Variants in CA8 observed in about 807,000 individuals in gnomAD.
CA8 encodes the protein carbonic anhydrase 8 (inactive).
A neutral mutation model predicts 41.4 loss-of-function variants in CA8; 22 were observed. The observed-to-expected ratio is 0.53, with a 90% confidence interval of 0.38 to 0.76. CA8 has a LOEUF of 0.76. Ranked by LOEUF, CA8 falls within the 30% of genes least tolerant of loss-of-function variation. The pLI, the probability that CA8 is intolerant of heterozygous loss-of-function variation, is 0.00. For synonymous variants in CA8, 121 were observed against 130.6 expected, an observed-to-expected ratio of 0.93 and a Z score of 0.50; for missense variants, 270 against 352.8, an observed-to-expected ratio of 0.77 and a Z score of 1.88.
At chr8:60,271,349 G>A (rs933091304) in intron 2 of CA8, among the ~76,000 whole-genome samples, 3 of 151,782 alleles carry the variant, frequency 2.0e-5, no homozygotes, top group Non-Finnish European at 4.4e-5. Context: ...AGAAAGAAGA[G>A]AGACAGAGAG....
chr8:60,197,972 C>T (rs560536151), intron 8 of CA8, among the ~76,000 whole-genome samples: 25 of 152,268 alleles, frequency 1.6e-4, no homozygotes, highest in Middle Eastern at 3.4e-3. Flanking sequence ...GTAGAGGGTA[C>T]TTCAGCAAAT....
chr8:60,250,444 C>T (rs1337545997), intron 3 of CA8, among the ~76,000 whole-genome samples: 1 of 152,198 alleles, frequency 6.6e-6, no homozygotes, highest in Non-Finnish European at 1.5e-5. Context: ...CCAAAAGCTC[C>T]TCTTTTCCCT....
chr8:60,272,322 T>C (rs915003586), intron 2 of CA8, among the ~76,000 whole-genome samples: 1 of 151,826 alleles, frequency 6.6e-6, no homozygotes, highest in Non-Finnish European at 1.5e-5. Flanking sequence ...CTCTCCCAGA[T>C]CCCATCTCAT....
chr8:60,260,778 A>T (rs955830562), intron 3 of CA8, among the ~76,000 whole-genome samples: 1 of 152,178 alleles, frequency 6.6e-6, no homozygotes, highest in African/African-American at 2.4e-5. Context: ...GTTCACTCTC[A>T]AACTAAAGTC....
chr8:60,217,129 C>T (rs1036702683), intron 7 of CA8, among the ~76,000 whole-genome samples: 2 of 152,160 alleles, frequency 1.3e-5, no homozygotes, highest in African/African-American at 4.8e-5. Flanking sequence ...GGTGATCCGT[C>T]CACCTCAGCC....
chr8:60,203,543 CCTCT>C (rs1259472342), intron 8 of CA8, among the ~76,000 whole-genome samples: 10 of 151,762 alleles, frequency 6.6e-5, no homozygotes, highest in Non-Finnish European at 1.3e-4. Context: ...TTCTATTTTC[CCTCT>C]ATTTTTAAGA....
rs541116727 is a variant in CA8 at position 60,187,560 on chromosome 8, G to A, written c.*2461C>T. ...ACCCCAAAATCCACTTTGGCTCCTT[G>A]AAAAAAATCAATAAAATTGACAAGC... On this transcript the variant is annotated 3_prime_UTR_variant, in exon 9 of 9. Transcript: ENST00000317995. 1 of 151,952 alleles carries A rather than the reference G, an allele frequency of 6.6e-6. No individual in the cohort carries two copies. The highest frequency in any genetic ancestry group is 1.5e-5 in the Non-Finnish European group (1 of 67,926). 9.4% of individuals were successfully genotyped at this position (151,952 alleles called of 1,614,324 possible).
chr8:60,270,984 A>C lies in CA8; in HGVS notation c.293-4935T>G, dbSNP rs1170699340. On this transcript the variant is annotated intron_variant, in intron 2 of 8. Transcript: ENST00000317995. The stretch of plus-strand genomic sequence containing the variant: ...CCGGGCAAAGTGAAGCACATGCAAA[A>C]TGATGCAGATGACAGGAACTAACCA... Among the ~76,000 whole-genome samples the C allele has an allele frequency of 2.0e-5, 3 of 152,216 alleles. No individual in the cohort carries two copies. In the East Asian group the frequency reaches 5.8e-4, roughly 29 times the overall value.
chr8:60,248,925 C>T (rs149192965), intron 3 of CA8, among the ~76,000 whole-genome samples: 1 of 152,268 alleles, frequency 6.6e-6, no homozygotes, highest in Non-Finnish European at 1.5e-5. Flanking sequence ...TTTGTATCCT[C>T]TCTTATTTCT....
intron 3 of CA8, among the ~76,000 whole-genome samples, chr8:60,242,309 T>C (rs1250908338): frequency 1.3e-5 from 2 of 152,208 alleles, no homozygotes; most frequent in East Asian, 3.8e-4. Flanking sequence ...TAATAATAGA[T>C]TCTATGACCG....
At chr8:60,207,185 T>G (rs1806618348) in intron 8 of CA8, among the ~76,000 whole-genome samples, 1 of 152,222 alleles carries the variant, frequency 6.6e-6, no homozygotes, top group African/African-American at 2.4e-5. Flanking sequence ...TGCCTGGATC[T>G]CCTTCAGCTC....
intron 8 of CA8, among the ~76,000 whole-genome samples, chr8:60,203,526 A>G (rs1280001231): frequency 6.6e-6 from 1 of 152,108 alleles, no homozygotes; most frequent in Non-Finnish European, 1.5e-5. Context: ...TATAAATCCT[A>G]TTTTGATTCT....
chr8:60,203,508 A>G (rs928069732), intron 8 of CA8, among the ~76,000 whole-genome samples: 2 of 152,120 alleles, frequency 1.3e-5, no homozygotes, highest in African/African-American at 4.8e-5. Context: ...AAAAAATAGT[A>G]ATCTCAGTAT....
At chr8:60,228,048 C>T (rs897227238) in intron 4 of CA8, among the ~76,000 whole-genome samples, 3 of 152,118 alleles carry the variant, frequency 2.0e-5, no homozygotes, top group Non-Finnish European at 4.4e-5. Context: ...CTAAGAGAAG[C>T]CAGAGTAGCT....
intron 2 of CA8, among the ~76,000 whole-genome samples, chr8:60,266,538 T>A (rs1157727311): frequency 1.3e-5 from 2 of 152,220 alleles, no homozygotes; most frequent in Admixed American, 1.3e-4. Context: ...ATGAAGAGGA[T>A]TGATTAGCAT....
At chr8:60,195,731 A>T (rs541445282) in intron 8 of CA8, among the ~76,000 whole-genome samples, 9 of 152,266 alleles carry the variant, frequency 5.9e-5, no homozygotes, top group Non-Finnish European at 1.2e-4. Flanking sequence ...GGTTATGTTT[A>T]TATTTTCACT....
chr8:60,236,920 G>C (rs1268025464), intron 3 of CA8, among the ~76,000 whole-genome samples: 1 of 152,214 alleles, frequency 6.6e-6, no homozygotes, highest in Non-Finnish European at 1.5e-5. Flanking sequence ...AAACGATGAA[G>C]TGGCCTGCAG....
At chr8:60,254,468 G>C (rs535966853) in intron 3 of CA8, among the ~76,000 whole-genome samples, 36 of 152,270 alleles carry the variant, frequency 2.4e-4, no homozygotes, top group Middle Eastern at 3.4e-3. Flanking sequence ...AGCAAGATTG[G>C]GAACACAGTT....
rs544379424 is a variant in CA8 at position 60,190,969 on chromosome 8, T to C, written c.*36-984A>G. Among the ~76,000 whole-genome samples the C allele has an allele frequency of 4.2e-4, 60 of 143,336 alleles. 1 individual carries two copies. Among genetic ancestry groups the C allele is most frequent in the African/African-American group, 1.1e-3 (42 of 37,492 alleles). The allele number at this position is 143,336 out of a possible 152,430, so 94.0% of individuals were successfully genotyped here. A position where few individuals can be genotyped will look rare whatever the true frequency, so the allele number is the denominator to read the frequency against. ...ATATATATATATATACACACACACA[T>C]TTCTACATATGCATACATATATAAA... is the stretch of plus-strand genomic sequence containing the variant. On this transcript the variant is annotated intron_variant, in intron 8 of 8. Coordinates refer to ENST00000317995, the MANE Select transcript of CA8 (RefSeq NM_004056.6).
Sources: allele counts gnomAD v4.1 joint callset (sites outside exome capture counted in the v4.1 genomes callset), GRCh38; gene constraint gnomAD v4.1.1; transcripts MANE v1.5; gene names NCBI Gene and HGNC (gene_info 2026-07-23, HGNC 2026-07-21).